Variants in SAMD12 observed in about 807,000 individuals in gnomAD.
The protein encoded by SAMD12 is sterile alpha motif domain containing 12.
In SAMD12, 9 loss-of-function variants were observed where a neutral mutation model predicts 15.0. The ratio of observed to expected loss-of-function variants is 0.60; its 90% CI spans 0.36 to 1.05. The LOEUF (loss-of-function observed/expected upper bound fraction) is 1.05, where lower values mean the gene tolerates loss of function less well. Among genes scored for constraint, SAMD12 ranks in the 50% least tolerant of loss-of-function variants. The pLI, the probability that SAMD12 is intolerant of heterozygous loss-of-function variation, is 0.01. For missense variants in SAMD12, 230 were observed against 234.2 expected (o/e 0.98, Z 0.12); for synonymous variants, 86 against 90.1 (o/e 0.96, Z 0.25).
chr8:118,159,880 C>G, the SAMD12 span, among the ~76,000 whole-genome samples: 1 of 151,858 alleles, frequency 6.6e-6, no homozygotes, highest in Non-Finnish European at 1.5e-5. Context: ...CCACCATGAC[C>G]AGCTAATTTT....
chr8:118,538,470 T>C (rs1039011317), intron 2 of SAMD12, among the ~76,000 whole-genome samples: 7 of 152,118 alleles, frequency 4.6e-5, no homozygotes, highest in African/African-American at 7.2e-5. Flanking sequence ...TTAGGGCTGG[T>C]TTAAATTCTC....
chr8:118,269,421 A>G (rs1321244095), intron 4 of SAMD12, among the ~76,000 whole-genome samples: 1 of 152,188 alleles, frequency 6.6e-6, no homozygotes, highest in African/African-American at 2.4e-5. Context: ...TTTGTAACTT[A>G]TATGTGAAGA....
intron 2 of SAMD12, among the ~76,000 whole-genome samples, chr8:118,475,535 T>C (rs1455621966): frequency 6.6e-6 from 1 of 152,228 alleles, no homozygotes; most frequent in East Asian, 1.9e-4. Flanking sequence ...ATGTTGACCC[T>C]GAGGCATAGT....
intron 2 of SAMD12, among the ~76,000 whole-genome samples, chr8:118,562,102 T>G (rs75519097): frequency 0.021 from 3,266 of 152,356 alleles, 123 homozygotes; most frequent in African/African-American, 0.075. Flanking sequence ...GACTGCCGTC[T>G]AATACCATAC....
At chr8:118,593,438 T>C (rs1372104127) in intron 1 of SAMD12, among the ~76,000 whole-genome samples, 4 of 152,202 alleles carry the variant, frequency 2.6e-5, no homozygotes, top group African/African-American at 9.6e-5. Context: ...TACTTCTGAA[T>C]GTACCTTGGT....
chr8:118,309,887 C>A (rs887455358), intron 4 of SAMD12, among the ~76,000 whole-genome samples: 3 of 152,220 alleles, frequency 2.0e-5, no homozygotes, highest in African/African-American at 7.2e-5. Context: ...CTCCTCTCAG[C>A]ATATTCCTGT....
intron 4 of SAMD12, among the ~76,000 whole-genome samples, chr8:118,287,380 CT>C (rs1814108141): frequency 6.6e-6 from 1 of 152,158 alleles, no homozygotes; most frequent in Admixed American, 6.5e-5. Context: ...CCGCCTCGGC[CT>C]CCCAAAGGGC....
intron 2 of SAMD12, among the ~76,000 whole-genome samples, chr8:118,483,836 A>G (rs557124181): frequency 6.6e-6 from 1 of 152,328 alleles, no homozygotes; most frequent in South Asian, 2.1e-4. Context: ...TTCGTTGACA[A>G]GAAAACCAAG....
intron 3 of SAMD12, among the ~76,000 whole-genome samples, chr8:118,398,350 G>A (rs56118719): frequency 0.02 from 3,091 of 152,234 alleles, 108 homozygotes; most frequent in African/African-American, 0.07. Context: ...AGTGAGCTGA[G>A]ATCGTGCCAC....
At chr8:118,410,188 A>C (rs943149558) in intron 3 of SAMD12, among the ~76,000 whole-genome samples, 1 of 152,180 alleles carries the variant, frequency 6.6e-6, no homozygotes, top group African/African-American at 2.4e-5. Context: ...CATGTTCAAA[A>C]CTGTTTACAC....
chr8:118,204,778 AT>A (rs1280844429), intron 4 of SAMD12, among the ~76,000 whole-genome samples: 1 of 152,114 alleles, frequency 6.6e-6, no homozygotes, highest in African/African-American at 2.4e-5. Flanking sequence ...AGAAAAAAAT[AT>A]AATAAAAGAA....
At chr8:118,459,255 G>A (rs900571350) in intron 2 of SAMD12, among the ~76,000 whole-genome samples, 4 of 152,074 alleles carry the variant, frequency 2.6e-5, no homozygotes, top group Admixed American at 2.0e-4. Context: ...TAGTGGAAAC[G>A]GGGTTTCATC....
rs115160816 is a variant in SAMD12 at position 118,385,491 on chromosome 8, T to G, written c.323-5791A>C. Among the ~76,000 whole-genome samples the G allele has an allele frequency of 2.9e-3, 446 of 152,340 alleles. 4 individuals carry two copies. Among genetic ancestry groups the G allele is most frequent in the African/African-American group, 0.01 (425 of 41,576 alleles). ...CCAACTGGGACACTGGTTCTGCAGATTCTGGATTTGCCAGCCTCCATAATT... is the reference window on the plus strand; with the variant it reads ...CCAACTGGGACACTGGTTCTGCAGAGTCTGGATTTGCCAGCCTCCATAATT... On this transcript the variant is annotated intron_variant, in intron 3 of 3. Transcript: ENST00000314727.
At chr8:118,528,881 T>C (rs1271310865) in intron 2 of SAMD12, among the ~76,000 whole-genome samples, 1 of 152,202 alleles carries the variant, frequency 6.6e-6, no homozygotes, top group Non-Finnish European at 1.5e-5. Flanking sequence ...TCTTTCAAAG[T>C]TTTAGGTGCT....
chr8:118,139,652 CAGGATTCCATTCT>C, the SAMD12 span, among the ~76,000 whole-genome samples: 3 of 152,174 alleles, frequency 2.0e-5, no homozygotes, highest in Non-Finnish European at 4.4e-5. Flanking sequence ...GCCACTGCGC[CAGGATTCCATTCT>C]AGGATTCCAT....
the SAMD12 span, among the ~76,000 whole-genome samples, chr8:118,133,369 T>C: frequency 6.6e-6 from 1 of 152,020 alleles, no homozygotes; most frequent in African/African-American, 2.4e-5. Context: ...AGTTCAGGGA[T>C]ACATGTGCAG....
In SAMD12 at chr8:118,324,322, C is replaced by T. The variant is rs112534960; in HGVS notation, c.433+55238G>A. 4.5e-3 allele frequency among the ~76,000 whole-genome samples: 684 copies of T among 152,176 alleles called. 2 individuals are homozygous for T. The highest frequency in any genetic ancestry group is 0.014 in the African/African-American group (597 of 41,506). ...AAGGTGATTTTCATAAGAAAGTACA[C>T]GGAGTTGTTAATTCTGACTACAATT... On this transcript the variant is annotated intron_variant, in intron 4 of 4. Coordinates refer to the SAMD12 transcript ENST00000409003.
At chr8:118,374,417 C>T (rs757844044), downstream of SAMD12, among the ~76,000 whole-genome samples, 1 of 152,090 alleles carries the variant, frequency 6.6e-6, no homozygotes, top group African/African-American at 2.4e-5. Context: ...TATCTCTTGC[C>T]TATTGTGAAT....
chr8:118,567,080 C>T (rs759033029), intron 2 of SAMD12, among the ~76,000 whole-genome samples: 9 of 152,142 alleles, frequency 5.9e-5, no homozygotes, highest in Non-Finnish European at 7.3e-5. Flanking sequence ...ATGTCAAATG[C>T]TATTCTAAAC....
Sources: gnomAD v4.1 joint callset for allele counts (sites outside exome capture counted in the v4.1 genomes callset) on GRCh38, gnomAD v4.1.1 for gene constraint, MANE v1.5 for transcripts, NCBI Gene and HGNC (gene_info 2026-07-23, HGNC 2026-07-21) for gene names.